The following DENND2A variants were observed in gnomAD, a reference collection of about 807,000 sequenced individuals.
DENND2A encodes the protein DENN domain-containing protein 2A.
Under a neutral mutation model 105.3 loss-of-function variants are expected in DENND2A, and 53 were observed. That is an observed-to-expected ratio of 0.50 (90% CI 0.40 to 0.63). The LOEUF is 0.63. DENND2A is among the 30% of genes least tolerant of loss of function. The probability of loss-of-function intolerance (pLI) is 0.00; values close to 1 mark genes in which losing one functional copy is unlikely to be tolerated. For missense variants in DENND2A, 1,138 were observed against 1,279.6 expected (o/e 0.89, Z 1.69); for synonymous variants, 522 against 508.4 (o/e 1.03, Z -0.36).
intron 13 of DENND2A, chr7:140,545,016 G>A: frequency 6.1e-6 from 2 of 328,280 alleles, no homozygotes; most frequent in Non-Finnish European, 8.7e-6. Flanking sequence ...GGACAGTGTG[G>A]ACGAACGGGA....
At position 140,602,348 on chromosome 7, in the gene DENND2A, G is replaced by A; in HGVS notation, c.50C>T (p.Ala17Val). The A allele has an allele frequency of 6.3e-7, 1 of 1,594,056 alleles. No homozygotes were observed. Among genetic ancestry groups the A allele is most frequent in the Non-Finnish European group, 8.5e-7 (1 of 1,174,476 alleles). ...GAGCTGCTTCTTCCCAGCCCTGCTG[G>A]CTTCTGCAGCTGGGTCACTGATGAT... ...DMIISDPAAE[A>V]SRAGKKQLRG... The change falls in exon 3 of 20, where the codon GCC (alanine) becomes GTC (valine). Residue 17 changes from alanine to valine, a missense_variant. Ala to Val is a moderately conservative substitution (Grantham distance 64). Around this residue, in one of 2 missense-constraint regions of DENND2A, gnomAD observed 511 missense variants for 499.9 expected, o/e 1.02. Coordinates refer to ENST00000496613, the MANE Select transcript of DENND2A (RefSeq NM_015689.5).
At position 140,558,917 on chromosome 7, in the gene DENND2A, C is replaced by T. The variant is rs1390426846; in HGVS notation, c.1890-705G>A. 1.1e-4 allele frequency among the ~76,000 whole-genome samples: 16 copies of T among 151,860 alleles called. 1 individual carries two copies. In the East Asian group the frequency reaches 3.1e-3, roughly 30 times the overall value. ...GCCCGGGTTCAAGCGATTCTCCTGC[C>T]CCAGCGCCTGCCACCACCATGCCTA... On this transcript the variant is annotated intron_variant, in intron 10 of 19. Transcript: ENST00000496613.
chr7:140,593,128 T>C (rs1585713930), intron 3 of DENND2A, among the ~76,000 whole-genome samples: 1 of 152,252 alleles, frequency 6.6e-6, no homozygotes, highest in African/African-American at 2.4e-5. Context: ...GAAAGGTTAA[T>C]GAACGATAAC....
At position 140,523,323 on chromosome 7, in the gene DENND2A, G is replaced by A. The variant is rs1164268158; in HGVS notation, c.2649C>T (p.Pro883=). The change falls in exon 17 of 20, where the codon CCC becomes CCT. Residue 883 remains proline, a synonymous_variant. Coordinates refer to ENST00000496613, the MANE Select transcript of DENND2A (RefSeq NM_015689.5). This position sits in a 1 kb window ranked among gnomAD's most constrained non-coding sequence, Gnocchi z 4.5. ...AACACTTACCGTGCCTGCCGTCTAG[G>A]GGCCCTTCGTCCTGCTCACAAGCCA... ...NELACEQDEG[P]LDGRHGPESS... is the part of the protein sequence containing the mutation. The A allele has an allele frequency of 6.2e-7, 1 of 1,614,146 alleles. No homozygotes were observed. The highest frequency in any genetic ancestry group is 8.5e-7 in the Non-Finnish European group (1 of 1,180,028).
intron 14 of DENND2A, among the ~76,000 whole-genome samples, chr7:140,541,883 A>G (rs927766828): frequency 2.0e-5 from 3 of 152,222 alleles, no homozygotes; most frequent in South Asian, 2.1e-4. Flanking sequence ...AAAGGTGACC[A>G]GATGCGGCGC....
intron 12 of DENND2A, among the ~76,000 whole-genome samples, chr7:140,549,078 G>A (rs1006917507): frequency 3.3e-5 from 5 of 151,634 alleles, no homozygotes; most frequent in Non-Finnish European, 5.9e-5. Flanking sequence ...TTAGCCAGGC[G>A]TGGTGGCAGG....
Position 140,521,865 on chromosome 7 carries a change from C to G in DENND2A, c.2901G>C (p.Gln967His). 6.2e-7 allele frequency: 1 copy of G among 1,613,964 alleles called. No homozygotes were observed. The highest frequency in any genetic ancestry group is 1.1e-5 in the South Asian group (1 of 91,084). ...GFIQERELRRQDAKGLFEVRA... is the reference protein window; with the variant it reads ...GFIQERELRRHDAKGLFEVRA... The stretch of plus-strand genomic sequence containing the variant: ...GAAGATGCCCCTCACCTTTGGCATC[C>G]TGCCGGCGCAGCTCCCGCTCCTGGA... Residue 967 changes from glutamine to histidine, a missense_variant, in exon 18 of 20, where the codon CAG (glutamine) becomes CAC (histidine). By Grantham distance (24) the Gln-to-His change is conservative (BLOSUM62 0). Transcript: ENST00000496613.
chr7:140,548,864 C>T (rs887778831), intron 12 of DENND2A, among the ~76,000 whole-genome samples: 6 of 151,826 alleles, frequency 4.0e-5, no homozygotes, highest in Non-Finnish European at 7.4e-5. Flanking sequence ...CCACCCACCT[C>T]GGCTTCCCAG....
chr7:140,549,816 T>G (rs1475610248), intron 12 of DENND2A, among the ~76,000 whole-genome samples: 1 of 152,086 alleles, frequency 6.6e-6, no homozygotes, highest in African/African-American at 2.4e-5. Context: ...AGCAGAATAA[T>G]TCACAATGGC....
chr7:140,524,856 G>C (rs6965362), intron 16 of DENND2A, among the ~76,000 whole-genome samples: 1 of 150,242 alleles, frequency 6.7e-6, no homozygotes, highest in Non-Finnish European at 1.5e-5. Flanking sequence ...TGCTGGGATT[G>C]TAAGTGTGCC....
chr7:140,633,175 C>A (rs576690138), intron 1 of DENND2A, among the ~76,000 whole-genome samples: 84 of 152,068 alleles, frequency 5.5e-4, no homozygotes, highest in African/African-American at 2.0e-3. Context: ...ACTATAGGCA[C>A]CTGCCACCAT....
intron 12 of DENND2A, among the ~76,000 whole-genome samples, chr7:140,553,616 C>T (rs1324965464): frequency 6.6e-6 from 1 of 152,166 alleles, no homozygotes; most frequent in East Asian, 1.9e-4. Context: ...TGGACAATAC[C>T]TGGCTTTCCT....
At chr7:140,588,589 C>A (rs75395698) in intron 3 of DENND2A, among the ~76,000 whole-genome samples, 3 of 151,956 alleles carry the variant, frequency 2.0e-5, no homozygotes, top group Admixed American at 1.3e-4. Context: ...CACAGCAACA[C>A]GCCCTGCTAA....
At chr7:140,569,890 CATTTTTTTTTTTT>C in intron 6 of DENND2A, 152 bp from the exon 7 acceptor site, 1 of 562,478 alleles carries the variant, frequency 1.8e-6, no homozygotes, top group Non-Finnish European at 3.0e-6. Context: ...GTCTTTCAAT[CATTTTTTTTTTTT>C]ATTTTTTTGA....
chr7:140,630,101 G>A (rs1219813083), intron 1 of DENND2A, among the ~76,000 whole-genome samples: 2 of 150,924 alleles, frequency 1.3e-5, no homozygotes, highest in Non-Finnish European at 3.0e-5. Flanking sequence ...CCTCAAATGA[G>A]CCACTGCGCC....
intron 2 of DENND2A, among the ~76,000 whole-genome samples, chr7:140,604,918 A>C (rs1013112749): frequency 6.6e-6 from 1 of 152,242 alleles, no homozygotes; most frequent in African/African-American, 2.4e-5. Context: ...CTCAAAGTAC[A>C]GCATACTTTC....
At position 140,527,415 on chromosome 7, in the gene DENND2A, G is replaced by A. The variant is rs1796098365; in HGVS notation, c.2408C>T (p.Pro803Leu). Residue 803 changes from proline to leucine, a missense_variant, in exon 15 of 20, where the codon CCA (proline) becomes CTA (leucine). This residue lies in a region of DENND2A where 627 missense variants were observed against 779.8 expected (regional missense o/e 0.80). Coordinates refer to ENST00000496613, the MANE Select transcript of DENND2A (RefSeq NM_015689.5). The surrounding 1 kb of genome is among the most constrained non-coding windows in gnomAD (Gnocchi z 4.9). ...GCACACGATGTCGACCATGGCGGGT[G>A]GCAGCACCGGGATGTAGGTGTGCTG... ...AWQHTYIPVL[P>L]PAMVDIVCSP... The A allele has an allele frequency of 1.3e-6, 2 of 1,598,772 alleles. No individual in the cohort carries two copies. Among genetic ancestry groups the A allele is most frequent in the South Asian group, 1.1e-5 (1 of 88,680 alleles).
chr7:140,519,858 G>GT, intron 18 of DENND2A, 140 bp from the exon 19 acceptor site: 1 of 731,626 alleles, frequency 1.4e-6, no homozygotes, highest in Non-Finnish European at 2.3e-6. Context: ...GAATCAGGAG[G>GT]TTTTATAAGG....
At chr7:140,575,927 C>T (rs1356652505) in intron 5 of DENND2A, among the ~76,000 whole-genome samples, 2 of 150,632 alleles carry the variant, frequency 1.3e-5, no homozygotes, top group Non-Finnish European at 2.9e-5. Flanking sequence ...TGAGATCACA[C>T]AACTGCACCC....
Sources: allele counts gnomAD v4.1 joint callset (sites outside exome capture counted in the v4.1 genomes callset), GRCh38; gene constraint gnomAD v4.1.1; regional missense constraint gnomAD v4.1.1; non-coding constraint Gnocchi (gnomAD v3.1); transcripts MANE v1.5; gene names NCBI Gene and HGNC (gene_info 2026-07-23, HGNC 2026-07-21).